The following C1QTNF7 variants were observed in gnomAD, a reference collection of about 807,000 sequenced individuals.
C1QTNF7 encodes the protein C1q and TNF related 7.
C1QTNF7 carries 15 observed loss-of-function variants against 19.6 expected under a neutral mutation model. The observed-to-expected ratio is 0.76, with a 90% CI of 0.51 to 1.18. The LOEUF (loss-of-function observed/expected upper bound fraction) is 1.18, where lower values mean the gene tolerates loss of function less well. C1QTNF7 is among the 50% of genes most tolerant of loss of function. C1QTNF7 has a pLI of 0.00. For missense variants in C1QTNF7, 324 were observed against 359.7 expected (o/e 0.90, Z 0.80); for synonymous variants, 142 against 137.5 (o/e 1.03, Z -0.23).
chr4:15,442,085 G>C, intron 2 of C1QTNF7, 83 bp from the exon 3 acceptor site: 1 of 1,450,736 alleles, frequency 6.9e-7, no homozygotes, highest in South Asian at 1.4e-5. Context: ...ACAAAGTTGG[G>C]ATGTGCTGGG....
At chr4:15,404,530 C>A (rs1257459382) in intron 1 of C1QTNF7, among the ~76,000 whole-genome samples, 2 of 152,200 alleles carry the variant, frequency 1.3e-5, no homozygotes, top group African/African-American at 4.8e-5. Context: ...ATAACTTATA[C>A]TTCAGAGAGA....
At chr4:15,377,608 A>G (rs914675627) in intron 1 of C1QTNF7, among the ~76,000 whole-genome samples, 8 of 152,212 alleles carry the variant, frequency 5.3e-5, no homozygotes, top group Non-Finnish European at 2.9e-5. Context: ...GCCCAGACAG[A>G]TATAAGCCAA....
At chr4:15,376,165 T>C (rs1433063416) in intron 1 of C1QTNF7, among the ~76,000 whole-genome samples, 2 of 152,224 alleles carry the variant, frequency 1.3e-5, no homozygotes, top group African/African-American at 4.8e-5. Context: ...TGTATAAACA[T>C]GTCTGTAGTT....
chr4:15,391,187 T>C (rs556049479), intron 1 of C1QTNF7, among the ~76,000 whole-genome samples: 1 of 151,872 alleles, frequency 6.6e-6, no homozygotes, highest in East Asian at 2.0e-4. Context: ...ATGACTGTTG[T>C]ATGTATGTTG....
At chr4:15,434,932 A>C (rs2108937741) in intron 1 of C1QTNF7, among the ~76,000 whole-genome samples, 1 of 152,318 alleles carries the variant, frequency 6.6e-6, no homozygotes, top group East Asian at 1.9e-4. Flanking sequence ...CAGGACATGC[A>C]CAGTACCCCA....
intron 1 of C1QTNF7, among the ~76,000 whole-genome samples, chr4:15,419,622 C>T (rs2872669): frequency 0.26 from 40,071 of 152,040 alleles, 6,293 homozygotes; most frequent in Middle Eastern, 0.37. Flanking sequence ...TAATGATTTA[C>T]TCTTGTTTTC....
chr4:15,342,083 G>A lies in C1QTNF7; in HGVS notation c.13+1876G>A, dbSNP rs1191880930. On this transcript the variant is annotated intron_variant, in intron 1 of 2. Transcript: ENST00000295297. ...CTCATCTAAGGCGCAGTCACTGGGGGGCTTTGTAATGAAACCTGGACAGAG... is the reference window on the plus strand; with the variant it reads ...CTCATCTAAGGCGCAGTCACTGGGGAGCTTTGTAATGAAACCTGGACAGAG... 2.0e-5 allele frequency among the ~76,000 whole-genome samples: 3 copies of A among 152,322 alleles called. No homozygotes were observed. In the East Asian group the frequency reaches 5.8e-4, roughly 29 times the overall value.
At chr4:15,424,332 G>A (rs1321016015), upstream of C1QTNF7, among the ~76,000 whole-genome samples, 1 of 152,194 alleles carries the variant, frequency 6.6e-6, no homozygotes, top group Non-Finnish European at 1.5e-5. Flanking sequence ...AGGTCAGAGA[G>A]TAGAATAATC....
At chr4:15,410,293 G>GA (rs1454759246) in intron 1 of C1QTNF7, among the ~76,000 whole-genome samples, 4 of 152,048 alleles carry the variant, frequency 2.6e-5, no homozygotes, top group South Asian at 4.1e-4. Context: ...TAGAAAGTAG[G>GA]AAAAAAACAG....
rs1162437156 is a variant in C1QTNF7, at chr4:15,442,829, CTGAT to C, written c.*34_*37del. 1.3e-6 allele frequency: 2 copies of C among 1,540,960 alleles called. No individual in the cohort carries two copies. Among genetic ancestry groups the C allele is most frequent in the Non-Finnish European group, 1.7e-6 (2 of 1,148,804 alleles). Reference sequence around the variant, plus strand: ...GACCAAGATCCCTGTGGTAAACACTCTGATTGAATCTGGGGTTCCAGAAGGTGGA... The same window carrying C: ...GACCAAGATCCCTGTGGTAAACACTCTGAATCTGGGGTTCCAGAAGGTGGA... On this transcript the variant is annotated 3_prime_UTR_variant, in exon 3 of 3. Transcript: ENST00000444304.
intron 1 of C1QTNF7, among the ~76,000 whole-genome samples, chr4:15,347,835 A>G (rs1716771229): frequency 6.6e-6 from 1 of 152,172 alleles, no homozygotes; most frequent in African/African-American, 2.4e-5. Flanking sequence ...AGCCCATCTC[A>G]TAAAAAGACC....
intron 1 of C1QTNF7, among the ~76,000 whole-genome samples, chr4:15,397,607 T>A (rs1318757236): frequency 6.6e-6 from 1 of 152,232 alleles, no homozygotes; most frequent in East Asian, 1.9e-4. Flanking sequence ...TTGAAGATAG[T>A]AAGTCATGGC....
intron 1 of C1QTNF7, among the ~76,000 whole-genome samples, chr4:15,397,616 G>A (rs1456978439): frequency 6.6e-6 from 1 of 152,184 alleles, no homozygotes; most frequent in African/African-American, 2.4e-5. Flanking sequence ...GTAAGTCATG[G>A]CCCTTATCTT....
intron 1 of C1QTNF7, among the ~76,000 whole-genome samples, chr4:15,360,278 T>C (rs940196595): frequency 2.6e-5 from 4 of 152,190 alleles, no homozygotes; most frequent in African/African-American, 9.7e-5. Flanking sequence ...TTCACAGCTG[T>C]TATGTTCTAT....
At chr4:15,409,065 G>A (rs1719307830) in intron 1 of C1QTNF7, among the ~76,000 whole-genome samples, 1 of 152,012 alleles carries the variant, frequency 6.6e-6, no homozygotes, top group African/African-American at 2.4e-5. Flanking sequence ...AGGACAGATG[G>A]GATTTTCAGA....
chr4:15,366,731 G>A (rs1028062997), intron 1 of C1QTNF7, among the ~76,000 whole-genome samples: 6 of 152,044 alleles, frequency 3.9e-5, no homozygotes, highest in African/African-American at 1.4e-4. Flanking sequence ...AGTCTCCAAA[G>A]GAGCTGCTAT....
intron 1 of C1QTNF7, among the ~76,000 whole-genome samples, chr4:15,380,295 CACA>C (rs1455950670): frequency 6.6e-6 from 1 of 152,160 alleles, no homozygotes; most frequent in Admixed American, 6.5e-5. Flanking sequence ...ATTTTTCTCA[CACA>C]ACAAGAAGCC....
upstream of C1QTNF7, among the ~76,000 whole-genome samples, chr4:15,425,796 G>C (rs1021527300): frequency 6.6e-6 from 1 of 152,128 alleles, no homozygotes; most frequent in Non-Finnish European, 1.5e-5. Context: ...TTACATATCA[G>C]CTAGAACCTT....
chr4:15,406,390 C>T (rs1560358846), intron 1 of C1QTNF7, among the ~76,000 whole-genome samples: 1 of 152,246 alleles, frequency 6.6e-6, no homozygotes, highest in East Asian at 1.9e-4. Context: ...ACTGAGGACA[C>T]CCCATAGTGC....
Sources: allele counts gnomAD v4.1 joint callset (sites outside exome capture counted in the v4.1 genomes callset), GRCh38; gene constraint gnomAD v4.1.1; transcripts MANE v1.5; gene names NCBI Gene and HGNC (gene_info 2026-07-23, HGNC 2026-07-21).